Variants in ATOH8 observed in about 807,000 individuals in gnomAD.
ATOH8 encodes transcription factor ATOH8.
ATOH8 carries 9 observed loss-of-function variants against 21.2 expected under a neutral mutation model. The observed-to-expected ratio is 0.42, with a 90% CI of 0.26 to 0.74. The LOEUF is 0.74. ATOH8 is among the 30% of genes least tolerant of loss of function. The probability of loss-of-function intolerance (pLI) is 0.24; values close to 1 mark genes in which losing one functional copy is unlikely to be tolerated. For synonymous variants in ATOH8, 253 were observed against 224.0 expected (o/e 1.13, Z -1.16); for missense variants, 524 against 470.9 (o/e 1.11, Z -1.04).
At chr2:85,771,120 G>A (rs902890534) in intron 2 of ATOH8, among the ~76,000 whole-genome samples, 2 of 152,162 alleles carry the variant, frequency 1.3e-5, no homozygotes, top group African/African-American at 4.8e-5. Flanking sequence ...AGAACGCTGT[G>A]GTTCTTTCTG....
rs748701915 is a variant in ATOH8, at chr2:85,786,866, G to T, written c.961-19G>T. ...AGGTGGAGCAGGGGCAGCTTTTAAT[G>T]GCTGGTCATGTCTTTCAGGAGTGAC... On this transcript the variant is annotated intron_variant, in intron 2 of 2. Coordinates refer to ENST00000306279, the MANE Select transcript of ATOH8 (RefSeq NM_032827.7). 6.2e-7 allele frequency: 1 copy of T among 1,613,988 alleles called. No individual in the cohort carries two copies. The highest frequency in any genetic ancestry group is 1.7e-5 in the Admixed American group (1 of 60,022).
intron 2 of ATOH8, among the ~76,000 whole-genome samples, chr2:85,765,732 A>G (rs1679997166): frequency 6.6e-6 from 1 of 152,194 alleles, no homozygotes; most frequent in Non-Finnish European, 1.5e-5. Flanking sequence ...CAGGGAAGGC[A>G]GAAGCCAGCG....
intron 2 of ATOH8, among the ~76,000 whole-genome samples, chr2:85,767,513 G>A (rs1188178751): frequency 7.0e-6 from 1 of 142,824 alleles, no homozygotes; most frequent in Non-Finnish European, 1.5e-5. Context: ...TACTGTAGGG[G>A]TCCCCAAGCA....
Position 85,776,053 on chromosome 2 carries a change from G to A in ATOH8, c.961-10832G>A, listed in dbSNP as rs370644340. ...CTCGTTCCTGTGCACTGCACTTTCC[G>A]GTTTGCAGAGCCCTCTCACACCCAT... On this transcript the variant is annotated intron_variant, in intron 2 of 2. Coordinates refer to ENST00000306279, the MANE Select transcript of ATOH8 (RefSeq NM_032827.7). Among the ~76,000 whole-genome samples, 27 of 152,296 alleles carry A rather than the reference G, an allele frequency of 1.8e-4. No individual in the cohort carries two copies. In the South Asian group the frequency reaches 4.4e-3, roughly 25 times the overall value.
At chr2:85,786,587 C>A (rs1376246242) in intron 2 of ATOH8, among the ~76,000 whole-genome samples, 2 of 152,178 alleles carry the variant, frequency 1.3e-5, no homozygotes, top group Non-Finnish European at 2.9e-5. Context: ...TGGTGTCAGC[C>A]CCAGGTGTCC....
intron 2 of ATOH8, among the ~76,000 whole-genome samples, chr2:85,772,123 G>C (rs1423007907): frequency 6.6e-6 from 1 of 152,216 alleles, no homozygotes; most frequent in Non-Finnish European, 1.5e-5. Flanking sequence ...GCGCAGTGCA[G>C]GCTCCATTTA....
intron 2 of ATOH8, among the ~76,000 whole-genome samples, chr2:85,764,489 C>T (rs569588607): frequency 1.3e-5 from 2 of 152,308 alleles, no homozygotes; most frequent in South Asian, 2.1e-4. Flanking sequence ...GCCTTAGGTG[C>T]TCTGGTGCTG....
chr2:85,759,141 T>C lies in ATOH8; in HGVS notation c.768+4184T>C, dbSNP rs188775997. On this transcript the variant is annotated intron_variant, in intron 1 of 2. Coordinates refer to ENST00000306279, the MANE Select transcript of ATOH8 (RefSeq NM_032827.7). The stretch of plus-strand genomic sequence containing the variant: ...AGCTTCCCAGGGGGTCTTCACCGAG[T>C]GAACTCAGGGTGGCCCTGGAGAGGG... Among the ~76,000 whole-genome samples the C allele has an allele frequency of 1.6e-3, 250 of 152,146 alleles. 2 individuals carry two copies. The highest frequency in any genetic ancestry group is 0.015 in the Admixed American group (234 of 15,296).
At chr2:85,768,679 A>T (rs1680093507) in intron 2 of ATOH8, among the ~76,000 whole-genome samples, 1 of 152,218 alleles carries the variant, frequency 6.6e-6, no homozygotes, top group African/African-American at 2.4e-5. Context: ...CTGTGGGTCC[A>T]GGTCAGCATT....
At chr2:85,762,508 C>G (rs952556341) in intron 1 of ATOH8, among the ~76,000 whole-genome samples, 2 of 152,176 alleles carry the variant, frequency 1.3e-5, no homozygotes, top group Non-Finnish European at 2.9e-5. Context: ...GCCTTCCCCC[C>G]ACAGTTCATA....
Position 85,754,188 on chromosome 2 carries a change from C to T in ATOH8, c.-2C>T, listed in dbSNP as rs772285101. 3.8e-6 allele frequency: 6 copies of T among 1,580,566 alleles called. No individual in the cohort carries two copies. The African/African-American group carries it at 7.0e-5, about 19-fold the overall frequency. ...GCCCCTGCCTCGCGCGCCGCCCGCG[C>T]CATGAAGCACATCCCGGTCCTCGAG... On this transcript the variant is annotated 5_prime_UTR_variant, in exon 1 of 3. Transcript: ENST00000306279.
At chr2:85,756,105 C>T (rs556345791) in intron 1 of ATOH8, among the ~76,000 whole-genome samples, 71 of 139,704 alleles carry the variant, frequency 5.1e-4, no homozygotes, top group African/African-American at 1.9e-3. Flanking sequence ...AAATTGAATC[C>T]TTGGAGGAAA....
chr2:85,754,570 G>A lies in ATOH8; in HGVS notation c.381G>A (p.Pro127=), dbSNP rs887150499. The A allele has an allele frequency of 1.2e-5, 17 of 1,438,408 alleles. No individual in the cohort carries two copies. In the African/African-American group the frequency reaches 2.4e-4, roughly 20 times the overall value. The allele number at this position is 1,438,408 out of a possible 1,614,324, so 89.1% of individuals were successfully genotyped here. ...VGPGLPTPPP[P]PPPAPQSQAP... ...CAGGACTCCCCACGCCGCCGCCGCC[G>A]CCGCCTCCTGCGCCCCAGAGCCAGG... Residue 127 remains proline, a synonymous_variant, in exon 1 of 3, where the codon CCG becomes CCA. Transcript: ENST00000306279.
chr2:85,777,463 G>A (rs192381457), intron 2 of ATOH8, among the ~76,000 whole-genome samples: 1 of 152,316 alleles, frequency 6.6e-6, no homozygotes, highest in African/African-American at 2.4e-5. Flanking sequence ...CAGAAGGACC[G>A]AGAGGCTGGG....
At chr2:85,774,853 T>G in intron 2 of ATOH8, 4 of 930,848 alleles carry the variant, frequency 4.3e-6, no homozygotes, top group Non-Finnish European at 5.1e-6. Flanking sequence ...ATGCCATCCC[T>G]TCTGCCTGGA....
At chr2:85,755,467 C>T (rs1199063156) in intron 1 of ATOH8, among the ~76,000 whole-genome samples, 1 of 152,192 alleles carries the variant, frequency 6.6e-6, no homozygotes, top group Non-Finnish European at 1.5e-5. Flanking sequence ...ACTCCTTGCC[C>T]TGGCATCCTC....
chr2:85,791,365 T>C lies in ATOH8; in HGVS notation c.*4475T>C, dbSNP rs141538444. ...CTTTGCTGAATGAATGAATAAAACA[T>C]GGAAAATGTGGTAATTCACTCATTT... On this transcript the variant is annotated 3_prime_UTR_variant, in exon 3 of 3. Transcript: ENST00000306279. Among the ~76,000 whole-genome samples, 363 of 152,334 alleles carry C rather than the reference T, an allele frequency of 2.4e-3. No homozygotes were observed. The highest frequency in any genetic ancestry group is 8.1e-3 in the African/African-American group (338 of 41,582).
chr2:85,755,136 C>T (rs895333442), intron 1 of ATOH8, among the ~76,000 whole-genome samples, 179 bp downstream of exon 1: 2 of 152,226 alleles, frequency 1.3e-5, no homozygotes, highest in African/African-American at 2.4e-5. Flanking sequence ...TTCAAAGTGG[C>T]TATAAGAGTT....
chr2:85,785,233 G>A lies in ATOH8; in HGVS notation c.961-1652G>A, dbSNP rs1321155177. 1.3e-5 allele frequency among the ~76,000 whole-genome samples: 2 copies of A among 152,230 alleles called. No homozygotes were observed. Among genetic ancestry groups the A allele is most frequent in the African/African-American group, 4.8e-5 (2 of 41,468 alleles). On this transcript the variant is annotated intron_variant, in intron 2 of 2. Coordinates refer to ENST00000306279, the MANE Select transcript of ATOH8 (RefSeq NM_032827.7). The surrounding 1 kb of genome is among the most constrained non-coding windows in gnomAD (Gnocchi z 4.1). Reference sequence around the variant, plus strand: ...AGGGCCCGCCCAGGCAGCCAGCGCCGGGATGACGCGAGCTGTAAATCACCC... The same window carrying A: ...AGGGCCCGCCCAGGCAGCCAGCGCCAGGATGACGCGAGCTGTAAATCACCC...
Sources: gnomAD v4.1 joint callset for allele counts (sites outside exome capture counted in the v4.1 genomes callset) on GRCh38, gnomAD v4.1.1 for gene constraint, Gnocchi (gnomAD v3.1) non-coding constraint, MANE v1.5 for transcripts, NCBI Gene and HGNC (gene_info 2026-07-23, HGNC 2026-07-21) for gene names.